HS6ST2: variants seen among roughly 807,000 people sequenced by gnomAD.
The protein encoded by HS6ST2 is heparan-sulfate 6-O-sulfotransferase 2.
Under a neutral mutation model 33.0 loss-of-function variants are expected in HS6ST2, and 17 were observed. The ratio of observed to expected loss-of-function variants is 0.52; its 90% CI spans 0.35 to 0.77. The LOEUF (loss-of-function observed/expected upper bound fraction) is 0.77. Among genes scored for constraint, HS6ST2 ranks in the 30% least tolerant of loss-of-function variants. HS6ST2 has a pLI of 0.01. For synonymous variants in HS6ST2, 248 were observed against 237.1 expected, an observed-to-expected ratio of 1.05 and a Z score of -0.42; for missense variants, 519 against 551.7, an observed-to-expected ratio of 0.94 and a Z score of 0.59.
chrX:132,919,887 T>C (rs1170411845), intron 2 of HS6ST2, among the ~76,000 whole-genome samples: 1 of 112,267 alleles, frequency 8.9e-6, no homozygotes, highest in Non-Finnish European at 1.9e-5. Context: ...TTTCATTTGA[T>C]TGATCTTCCC....
chrX:132,711,372 A>T (rs2064229778), intron 2 of HS6ST2, among the ~76,000 whole-genome samples: 1 of 111,185 alleles, frequency 9.0e-6, no homozygotes. Flanking sequence ...TAAGACTTGG[A>T]AAACCCAGGA....
chrX:132,889,072 G>C (rs778622358), intron 2 of HS6ST2, among the ~76,000 whole-genome samples: 1 of 110,578 alleles, frequency 9.0e-6, no homozygotes, highest in South Asian at 3.9e-4. Flanking sequence ...GGATTTCAGC[G>C]TCTAAGTCTC....
chrX:132,888,267 C>T (rs754818147), intron 2 of HS6ST2, among the ~76,000 whole-genome samples: 3 of 110,658 alleles, frequency 2.7e-5, no homozygotes, highest in Non-Finnish European at 5.7e-5. Flanking sequence ...CTGGGGAGGC[C>T]GCACAATCAT....
intron 2 of HS6ST2, among the ~76,000 whole-genome samples, chrX:132,896,178 TA>T (rs2066373291): frequency 9.1e-6 from 1 of 110,109 alleles, no homozygotes; most frequent in Admixed American, 9.8e-5. Flanking sequence ...AAACAATAGT[TA>T]GAAAGAATGA....
intron 2 of HS6ST2, among the ~76,000 whole-genome samples, chrX:132,937,037 C>T (rs911926597): frequency 2.9e-4 from 32 of 111,215 alleles, no homozygotes; most frequent in African/African-American, 9.5e-4. Flanking sequence ...AATCAACATA[C>T]AAAAGTCAAC....
At chrX:132,772,651 A>AATTGTATGCAATATAATTAT (rs1179529962) in intron 2 of HS6ST2, among the ~76,000 whole-genome samples, 2 of 100,103 alleles carry the variant, frequency 2.0e-5, no homozygotes, top group Non-Finnish European at 2.0e-5. Flanking sequence ...TACACAATAT[A>AATTGTATGCAATATAATTAT]ATTGTATGCA....
rs1204657871 is a variant in HS6ST2 at position 132,628,071 on chromosome X, T to C, written c.*152A>G. 113 of 444,093 alleles carry C rather than the reference T, an allele frequency of 2.5e-4. No individual in the cohort carries two copies. The highest frequency in any genetic ancestry group is 9.3e-5 in the Non-Finnish European group (24 of 257,041). 36.6% of individuals were successfully genotyped at this position (444,093 alleles called of 1,213,427 possible). A position where few individuals can be genotyped will look rare whatever the true frequency, so the allele number is the denominator to read the frequency against. The stretch of plus-strand genomic sequence containing the variant: ...TACCTACACACAGTATAACACTGAA[T>C]TGAAAGGCAACTGTAAAGGCAACAT... On this transcript the variant is annotated 3_prime_UTR_variant, in exon 5 of 5. Transcript: ENST00000370833.
intron 4 of HS6ST2, among the ~76,000 whole-genome samples, chrX:132,653,700 C>T (rs1216255140): frequency 9.0e-6 from 1 of 111,630 alleles, no homozygotes; most frequent in Non-Finnish European, 1.9e-5. Flanking sequence ...TTAGGACAAA[C>T]CCTAAGTCAT....
intron 2 of HS6ST2, among the ~76,000 whole-genome samples, chrX:132,740,468 G>C (rs774990722): frequency 9.0e-6 from 1 of 111,479 alleles, no homozygotes; most frequent in Non-Finnish European, 1.9e-5. Flanking sequence ...TCACAATAGC[G>C]GGGGTGTGGG....
chrX:132,880,065 C>T (rs180974822), intron 2 of HS6ST2, among the ~76,000 whole-genome samples: 82 of 111,841 alleles, frequency 7.3e-4, no homozygotes, highest in Non-Finnish European at 1.2e-3. Context: ...GGCTGGCATC[C>T]AACTTCTGCT....
intron 2 of HS6ST2, among the ~76,000 whole-genome samples, chrX:132,807,087 G>A (rs972492532): frequency 9.1e-6 from 1 of 110,003 alleles, no homozygotes; most frequent in African/African-American, 3.3e-5. Context: ...TACTTTTAAT[G>A]GCCGAAATGG....
At chrX:132,728,500 G>A (rs1211380338) in intron 2 of HS6ST2, among the ~76,000 whole-genome samples, 3 of 111,829 alleles carry the variant, frequency 2.7e-5, no homozygotes, top group Non-Finnish European at 5.6e-5. Flanking sequence ...CATGCTCACA[G>A]CCTAACGCGG....
chrX:132,882,699 G>A (rs2066191563), intron 2 of HS6ST2, among the ~76,000 whole-genome samples: 1 of 109,986 alleles, frequency 9.1e-6, no homozygotes, highest in Non-Finnish European at 1.9e-5. Context: ...TCCCTGTCTT[G>A]TGTCAGTTTT....
At chrX:132,744,154 T>C (rs1193752896) in intron 2 of HS6ST2, among the ~76,000 whole-genome samples, 1 of 111,976 alleles carries the variant, frequency 8.9e-6, no homozygotes, top group Non-Finnish European at 1.9e-5. Flanking sequence ...TGTATATGCA[T>C]CAAGCATTTT....
chrX:132,828,916 T>C (rs1284867416), intron 2 of HS6ST2, among the ~76,000 whole-genome samples: 1 of 103,756 alleles, frequency 9.6e-6, no homozygotes, highest in Non-Finnish European at 1.9e-5. Context: ...ATATATTTTA[T>C]ATATAAAAAT....
chrX:132,743,376 T>C (rs994504617), intron 2 of HS6ST2, among the ~76,000 whole-genome samples: 1 of 111,759 alleles, frequency 8.9e-6, no homozygotes, highest in Non-Finnish European at 1.9e-5. Flanking sequence ...GTTCATTTTG[T>C]ATCCCACACT....
At chrX:132,804,858 A>G (rs1336793732) in intron 2 of HS6ST2, among the ~76,000 whole-genome samples, 1 of 111,595 alleles carries the variant, frequency 9.0e-6, no homozygotes, top group Non-Finnish European at 1.9e-5. Context: ...ACTTTACTGA[A>G]GTGGTAGTTT....
At chrX:132,899,684 G>A (rs747985492) in intron 2 of HS6ST2, among the ~76,000 whole-genome samples, 2 of 111,361 alleles carry the variant, frequency 1.8e-5, no homozygotes, top group Non-Finnish European at 3.8e-5. Context: ...CAAAATATTC[G>A]AAGAAAAAGG....
chrX:132,930,714 TC>T (rs1302167071), intron 2 of HS6ST2, among the ~76,000 whole-genome samples: 1 of 111,212 alleles, frequency 9.0e-6, no homozygotes, highest in Admixed American at 9.6e-5. Context: ...TTGGGGAAAG[TC>T]CTTGGCTTCC....
Sources: gnomAD v4.1 joint callset for allele counts (sites outside exome capture counted in the v4.1 genomes callset) on GRCh38, gnomAD v4.1.1 for gene constraint, MANE v1.5 for transcripts, NCBI Gene and HGNC (gene_info 2026-07-23, HGNC 2026-07-21) for gene names.